GNA14: variants seen among roughly 807,000 people sequenced by gnomAD.
GNA14 encodes guanine nucleotide-binding protein subunit alpha-14.
GNA14 carries 50 observed loss-of-function variants against 42.0 expected under a neutral mutation model. The observed-to-expected ratio is 1.19, with a 90% CI of 0.95 to 1.51. GNA14 has a LOEUF of 1.51. GNA14 is among the 40% of genes most tolerant of loss of function. The pLI is 0.00. For synonymous variants in GNA14, 173 were observed against 163.1 expected (o/e 1.06, Z -0.46); for missense variants, 473 against 446.2 (o/e 1.06, Z -0.54).
chr9:77,533,787 T>G (rs1837560656), intron 1 of GNA14, among the ~76,000 whole-genome samples: 1 of 152,190 alleles, frequency 6.6e-6, no homozygotes, highest in Non-Finnish European at 1.5e-5. Flanking sequence ...AATTACTGGT[T>G]AACTTGAACA....
intron 1 of GNA14, among the ~76,000 whole-genome samples, chr9:77,572,955 T>C (rs1823081467): frequency 6.6e-6 from 1 of 152,186 alleles, no homozygotes; most frequent in African/African-American, 2.4e-5. Flanking sequence ...AGAAATAAAC[T>C]ATGACTAATA....
intron 2 of GNA14, among the ~76,000 whole-genome samples, chr9:77,519,396 G>A (rs1400617826): frequency 2.6e-5 from 4 of 151,992 alleles, no homozygotes; most frequent in African/African-American, 9.7e-5. Context: ...GGGTGACACG[G>A]CGAGACTCTG....
At chr9:77,625,270 G>C (rs145141073) in intron 1 of GNA14, among the ~76,000 whole-genome samples, 2,879 of 152,172 alleles carry the variant, frequency 0.019, 81 homozygotes, top group African/African-American at 0.064. Flanking sequence ...ACCTACATTT[G>C]ATTGGTGTAC....
At chr9:77,486,506 G>A (rs1836662142) in intron 2 of GNA14, among the ~76,000 whole-genome samples, 1 of 152,116 alleles carries the variant, frequency 6.6e-6, no homozygotes, top group African/African-American at 2.4e-5. Flanking sequence ...CTTTTCTTTT[G>A]CATTTACAAC....
rs73454079 is a variant in GNA14 at position 77,440,072 on chromosome 9, T to C, written c.310-5550A>G. ...ATCACTCTCAAAGGAGTAAATATTA[T>C]AGGAGCAAACTCAGTGATACAGAAA... On this transcript the variant is annotated intron_variant, in intron 2 of 6. Coordinates refer to ENST00000341700, the MANE Select transcript of GNA14 (RefSeq NM_004297.4). 8.4e-3 allele frequency among the ~76,000 whole-genome samples: 1,282 copies of C among 152,350 alleles called. 21 individuals are homozygous for C. The highest frequency in any genetic ancestry group is 0.029 in the African/African-American group (1,202 of 41,584).
At chr9:77,627,075 C>A (rs1205566183) in intron 1 of GNA14, among the ~76,000 whole-genome samples, 2 of 152,166 alleles carry the variant, frequency 1.3e-5, no homozygotes, top group African/African-American at 4.8e-5. Flanking sequence ...CACAGAAATA[C>A]AAACTACCAT....
chr9:77,560,840 G>A (rs1464298604), intron 1 of GNA14, among the ~76,000 whole-genome samples: 3 of 151,850 alleles, frequency 2.0e-5, no homozygotes, highest in Non-Finnish European at 4.4e-5. Flanking sequence ...TCCAAGTTAA[G>A]GGAATGGTGG....
chr9:77,425,839 G>A, intron 5 of GNA14, 124 bp from the exon 6 acceptor site: 1 of 749,910 alleles, frequency 1.3e-6, no homozygotes, highest in South Asian at 1.8e-5. Context: ...ACTGTCTGCT[G>A]AAGCTGGTGA....
At position 77,424,161 on chromosome 9, in the gene GNA14, G is replaced by A. The variant is rs1835417785; in HGVS notation, c.886C>T (p.Gln296Ter). Reference sequence around the variant, plus strand: ...AAGTCTCTGGCAGCTCTGACATCCTGTTTCGGTCCTAGTCACAAGTGCAAT... The same window carrying A: ...AAGTCTCTGGCAGCTCTGACATCCTATTTCGGTCCTAGTCACAAGTGCAAT... ...SYFPEYTGPK[Q>*]DVRAARDFIL... The change falls in exon 7 of 7, where the codon CAG (glutamine) becomes TAG (stop). Residue 296 changes from glutamine to a stop codon, truncating the protein, a stop_gained. Transcript: ENST00000341700. LOFTEE classifies it high-confidence loss of function. 1 of 1,606,332 alleles carries A rather than the reference G, an allele frequency of 6.2e-7. No homozygotes were observed. The highest frequency in any genetic ancestry group is 8.5e-7 in the Non-Finnish European group (1 of 1,175,624).
intron 2 of GNA14, among the ~76,000 whole-genome samples, chr9:77,512,332 T>C (rs982459339): frequency 8.5e-5 from 13 of 152,218 alleles, no homozygotes; most frequent in Non-Finnish European, 1.6e-4. Flanking sequence ...CATATCTTAA[T>C]TTTAAACTGC....
intron 2 of GNA14, among the ~76,000 whole-genome samples, chr9:77,489,036 G>A (rs1203100922): frequency 2.6e-5 from 4 of 152,046 alleles, no homozygotes; most frequent in African/African-American, 9.7e-5. Flanking sequence ...AGATAATAGA[G>A]AAGCAATTCA....
At chr9:77,639,952 T>C (rs753307651) in intron 1 of GNA14, among the ~76,000 whole-genome samples, 2 of 152,224 alleles carry the variant, frequency 1.3e-5, no homozygotes, top group Non-Finnish European at 2.9e-5. Context: ...CTAGTATATT[T>C]TCTTCCTCTA....
rs185954620 is a variant in GNA14 at position 77,636,752 on chromosome 9, G to T, written c.124+10918C>A. On this transcript the variant is annotated intron_variant, in intron 1 of 6. Transcript: ENST00000341700. ...GGAGGGCACTAATCTATTCTTGAGG[G>T]ATCTGACCCGACGACCTAAACACCT... Among the ~76,000 whole-genome samples the T allele has an allele frequency of 9.2e-5, 14 of 152,318 alleles. No individual in the cohort carries two copies. The East Asian group carries it at 2.7e-3, about 29-fold the overall frequency.
Position 77,606,961 on chromosome 9 carries a change from T to C in GNA14, c.124+40709A>G, listed in dbSNP as rs1362938258. ...TCTGCCAAGTGGGGACACAGTAAAA[T>C]GCAGGCAATGCAAGCCAGGGAGAGG... On this transcript the variant is annotated intron_variant, in intron 1 of 6. Coordinates refer to ENST00000341700, the MANE Select transcript of GNA14 (RefSeq NM_004297.4). Among the ~76,000 whole-genome samples, 2 of 152,056 alleles carry C rather than the reference T, an allele frequency of 1.3e-5. 1 individual carries two copies. The highest frequency in any genetic ancestry group is 2.9e-5 in the Non-Finnish European group (2 of 68,014).
At chr9:77,513,822 C>T (rs1297149849) in intron 2 of GNA14, among the ~76,000 whole-genome samples, 1 of 152,240 alleles carries the variant, frequency 6.6e-6, no homozygotes, top group Non-Finnish European at 1.5e-5. Flanking sequence ...GCATTAACCA[C>T]AATACATTTT....
At chr9:77,523,489 C>T (rs1160557076) in intron 2 of GNA14, among the ~76,000 whole-genome samples, 1 of 152,128 alleles carries the variant, frequency 6.6e-6, no homozygotes, top group Non-Finnish European at 1.5e-5. Context: ...TGAGAAACCA[C>T]CCTCAGGATC....
intron 1 of GNA14, among the ~76,000 whole-genome samples, chr9:77,559,945 T>C (rs555696337): frequency 1.4e-4 from 21 of 152,302 alleles, no homozygotes; most frequent in Admixed American, 3.3e-4. Context: ...ACATACACCA[T>C]TGGCTTTAGA....
At chr9:77,624,235 A>T (rs1434510935) in intron 1 of GNA14, among the ~76,000 whole-genome samples, 1 of 152,200 alleles carries the variant, frequency 6.6e-6, no homozygotes, top group African/African-American at 2.4e-5. Flanking sequence ...TCCTCTCTGG[A>T]CAGGGCATCT....
chr9:77,639,978 G>A (rs1824233332), intron 1 of GNA14, among the ~76,000 whole-genome samples: 1 of 152,202 alleles, frequency 6.6e-6, no homozygotes, highest in East Asian at 1.9e-4. Context: ...AGTTGTAGCT[G>A]TGGCTACCTG....
Sources: gnomAD v4.1 joint callset for allele counts (sites outside exome capture counted in the v4.1 genomes callset) on GRCh38, gnomAD v4.1.1 for gene constraint, MANE v1.5 for transcripts, NCBI Gene and HGNC (gene_info 2026-07-23, HGNC 2026-07-21) for gene names.